Variants in AGMO observed in about 807,000 individuals in gnomAD.
AGMO encodes alkylglycerol monooxygenase.
A neutral mutation model predicts 60.2 loss-of-function variants in AGMO; 75 were observed. The ratio of observed to expected loss-of-function variants is 1.25; its 90% CI spans 1.03 to 1.51. The LOEUF is 1.51. Among genes scored for constraint, AGMO ranks in the 40% most tolerant of loss-of-function variants. The probability of loss-of-function intolerance (pLI) is 0.00; values close to 1 mark genes in which losing one functional copy is unlikely to be tolerated. For missense variants in AGMO, 763 were observed against 525.5 expected (o/e 1.45, Z -4.42); for synonymous variants, 261 against 177.1 (o/e 1.47, Z -3.76).
chr7:15,555,686 T>C (rs896196302), intron 2 of AGMO, among the ~76,000 whole-genome samples: 2 of 152,004 alleles, frequency 1.3e-5, no homozygotes, highest in Non-Finnish European at 2.9e-5. Flanking sequence ...TGATACATTA[T>C]TTACTTTGCA....
chr7:15,447,349 A>G (rs1781727084), intron 3 of AGMO, among the ~76,000 whole-genome samples: 1 of 152,092 alleles, frequency 6.6e-6, no homozygotes, highest in South Asian at 2.1e-4. Context: ...CTATACCTCC[A>G]CCCCTATGGA....
At chr7:15,561,252 A>C (rs556275832) in intron 1 of AGMO, among the ~76,000 whole-genome samples, 6 of 152,296 alleles carry the variant, frequency 3.9e-5, no homozygotes, top group Non-Finnish European at 7.4e-5. Context: ...GGTCAAATTC[A>C]AACTTAGGAA....
At chr7:15,176,373 C>T in the AGMO span, among the ~76,000 whole-genome samples, 1 of 151,760 alleles carries the variant, frequency 6.6e-6, no homozygotes, top group South Asian at 2.1e-4. Context: ...CGTAAATATG[C>T]CAAATTTTTA....
intron 3 of AGMO, among the ~76,000 whole-genome samples, chr7:15,485,945 G>A (rs1409567271): frequency 6.6e-6 from 1 of 152,054 alleles, no homozygotes; most frequent in Admixed American, 6.6e-5. Context: ...TCTCATTCAA[G>A]TGAAGTTCAA....
At chr7:15,269,300 A>T (rs1319075993) in intron 12 of AGMO, among the ~76,000 whole-genome samples, 2 of 152,098 alleles carry the variant, frequency 1.3e-5, no homozygotes, top group Non-Finnish European at 2.9e-5. Flanking sequence ...ACGCAATGAG[A>T]GAAGTGCAAG....
intron 3 of AGMO, among the ~76,000 whole-genome samples, chr7:15,498,952 C>T (rs1179026218): frequency 6.6e-6 from 1 of 151,700 alleles, no homozygotes; most frequent in South Asian, 2.1e-4. Context: ...TTATTTCATC[C>T]CCAAAGAAAG....
chr7:15,432,820 C>A (rs893799547), intron 3 of AGMO, among the ~76,000 whole-genome samples: 4 of 151,838 alleles, frequency 2.6e-5, no homozygotes, highest in Non-Finnish European at 5.9e-5. Context: ...TAACACAGAA[C>A]CAAATTATCT....
At chr7:15,444,907 T>A (rs1314505256) in intron 3 of AGMO, among the ~76,000 whole-genome samples, 1 of 152,192 alleles carries the variant, frequency 6.6e-6, no homozygotes, top group Non-Finnish European at 1.5e-5. Flanking sequence ...ACTTTCTTGC[T>A]TAATGGCATT....
chr7:15,429,220 A>T (rs1197888988), intron 4 of AGMO, among the ~76,000 whole-genome samples: 1 of 152,042 alleles, frequency 6.6e-6, no homozygotes, highest in African/African-American at 2.4e-5. Flanking sequence ...TCACATGTTG[A>T]AATCTGAGCC....
chr7:15,381,477 T>C (rs1248409589), intron 10 of AGMO, among the ~76,000 whole-genome samples: 1 of 152,092 alleles, frequency 6.6e-6, no homozygotes, highest in Non-Finnish European at 1.5e-5. Context: ...CACAATGGTG[T>C]ACCATCTCCC....
intron 2 of AGMO, among the ~76,000 whole-genome samples, chr7:15,549,638 C>T (rs1301977359): frequency 6.7e-6 from 1 of 149,126 alleles, no homozygotes; most frequent in African/African-American, 2.5e-5. Context: ...ATATATGCAC[C>T]CAATACAGGA....
intron 3 of AGMO, among the ~76,000 whole-genome samples, chr7:15,496,569 C>T (rs1189301569): frequency 2.0e-5 from 3 of 151,846 alleles, no homozygotes; most frequent in East Asian, 1.9e-4. Context: ...AATGCTAATA[C>T]TATTCCTACT....
At chr7:15,414,287 G>T (rs972483638) in intron 5 of AGMO, among the ~76,000 whole-genome samples, 10 of 152,124 alleles carry the variant, frequency 6.6e-5, no homozygotes, top group African/African-American at 2.4e-4. Context: ...GCATAAGCCA[G>T]TGCACCCGGC....
intron 3 of AGMO, among the ~76,000 whole-genome samples, chr7:15,461,767 T>C (rs1782149253): frequency 6.6e-6 from 1 of 152,074 alleles, no homozygotes. Flanking sequence ...TTTGGGGGGC[T>C]GAAAAGCCAC....
the AGMO span, among the ~76,000 whole-genome samples, chr7:15,147,252 C>T: frequency 6.6e-6 from 1 of 152,038 alleles, no homozygotes; most frequent in African/African-American, 2.4e-5. Context: ...AGTCTGTTCT[C>T]ACGCTGCTAA....
intron 12 of AGMO, among the ~76,000 whole-genome samples, chr7:15,310,617 T>C (rs1248616441): frequency 6.6e-6 from 1 of 152,226 alleles, no homozygotes. Context: ...ATACTTTTAA[T>C]ATTTAACTAC....
intron 12 of AGMO, among the ~76,000 whole-genome samples, chr7:15,281,102 C>A (rs934579460): frequency 6.6e-6 from 1 of 152,078 alleles, no homozygotes; most frequent in Admixed American, 6.5e-5. Context: ...CATGGGAACA[C>A]CCCATGGGAC....
chr7:15,248,655 G>C (rs1285946354), intron 12 of AGMO, among the ~76,000 whole-genome samples: 3 of 152,152 alleles, frequency 2.0e-5, no homozygotes, highest in African/African-American at 7.2e-5. Context: ...CTTGAGAGTG[G>C]TGACACACAA....
the AGMO span, among the ~76,000 whole-genome samples, chr7:15,192,379 C>T: frequency 0.085 from 12,907 of 151,992 alleles, 646 homozygotes; most frequent in East Asian, 0.15. Context: ...CATCTGAACA[C>T]TGAGAGGAGT....
Sources: gnomAD v4.1 joint callset for allele counts (sites outside exome capture counted in the v4.1 genomes callset) on GRCh38, gnomAD v4.1.1 for gene constraint, MANE v1.5 for transcripts, NCBI Gene and HGNC (gene_info 2026-07-23, HGNC 2026-07-21) for gene names.